Variants in ASXL2 observed in about 807,000 individuals in gnomAD.
ASXL2 encodes putative Polycomb group protein ASXL2.
In ASXL2, 23 loss-of-function variants were observed where a neutral mutation model predicts 122.0. The observed-to-expected ratio is 0.19, with a 90% CI of 0.14 to 0.27. ASXL2 has a LOEUF of 0.27. ASXL2 is among the 10% of genes least tolerant of loss of function. ASXL2 has a pLI of 1.00. For missense variants in ASXL2, 1,518 were observed against 1,713.8 expected (o/e 0.89, Z 2.02); for synonymous variants, 650 against 637.0 (o/e 1.02, Z -0.31).
At chr2:25,827,985 T>C (rs2089398731) in intron 3 of ASXL2, among the ~76,000 whole-genome samples, 1 of 151,274 alleles carries the variant, frequency 6.6e-6, no homozygotes, top group South Asian at 2.1e-4. Context: ...TAACATCTTC[T>C]AAAAAGCATG....
intron 3 of ASXL2, among the ~76,000 whole-genome samples, chr2:25,808,933 TA>T (rs1467640577): frequency 6.6e-6 from 1 of 152,048 alleles, no homozygotes; most frequent in Non-Finnish European, 1.5e-5. Flanking sequence ...CCACACACTG[TA>T]TAGGCTGTCA....
chr2:25,863,838 T>A (rs554632361), intron 1 of ASXL2, among the ~76,000 whole-genome samples: 10 of 151,746 alleles, frequency 6.6e-5, no homozygotes, highest in Non-Finnish European at 1.3e-4. Context: ...AAACTCCATC[T>A]CTACTAAAAG....
At chr2:25,769,492 TAAC>T (rs1247404806) in intron 6 of ASXL2, among the ~76,000 whole-genome samples, 2 of 152,190 alleles carry the variant, frequency 1.3e-5, no homozygotes, top group Admixed American at 6.5e-5. Context: ...ATACTGGTTC[TAAC>T]AACAGTGTGG....
At chr2:25,831,666 A>T (rs541025851) in intron 3 of ASXL2, among the ~76,000 whole-genome samples, 1 of 152,302 alleles carries the variant, frequency 6.6e-6, no homozygotes, top group East Asian at 1.9e-4. Flanking sequence ...AAAACAAAAA[A>T]CCTGAAGATG....
chr2:25,756,298 T>C (rs1296267337), intron 9 of ASXL2, among the ~76,000 whole-genome samples, 184 bp from the exon 10 acceptor site: 3 of 151,890 alleles, frequency 2.0e-5, no homozygotes, highest in Non-Finnish European at 4.4e-5. Flanking sequence ...TTCTAAAACA[T>C]TGCTTTCCTG....
rs1368987596 is a variant in ASXL2 at position 25,742,784 on chromosome 2, T to C, written c.3553A>G (p.Ser1185Gly). 3.1e-6 allele frequency: 5 copies of C among 1,613,916 alleles called. No homozygotes were observed. The East Asian group carries it at 6.7e-5, about 22-fold the overall frequency. The change falls in exon 13 of 13, where the codon AGT becomes GGT. Residue 1185 changes from serine to glycine, a missense_variant. Ser to Gly is a moderately conservative substitution (Grantham distance 56). Around this residue, in one of 8 missense-constraint regions of ASXL2, gnomAD observed 831 missense variants for 833.1 expected, o/e 1.00. Coordinates refer to ENST00000435504, the MANE Select transcript of ASXL2 (RefSeq NM_018263.6). ...SSKEDDTDEE[S>G]TGDEQESVTV... is the part of the protein sequence containing the mutation. The stretch of plus-strand genomic sequence containing the variant: ...ACAGATTCCTGCTCATCACCAGTAC[T>C]TTCCTCATCAGTGTCATCTTCTTTG...
At chr2:25,846,863 G>A (rs1050717099) in intron 1 of ASXL2, among the ~76,000 whole-genome samples, 5 of 152,158 alleles carry the variant, frequency 3.3e-5, no homozygotes, top group African/African-American at 1.2e-4. Context: ...CACAGGAAGA[G>A]TAAGGAAATC....
chr2:25,759,283 T>A (rs1183129216), intron 9 of ASXL2, among the ~76,000 whole-genome samples, 199 bp downstream of exon 9: 1 of 152,138 alleles, frequency 6.6e-6, no homozygotes, highest in Non-Finnish European at 1.5e-5. Context: ...TATGGATGCT[T>A]ACATCCTAAT....
At chr2:25,783,404 T>TAAAA (rs1193807469) in intron 5 of ASXL2, among the ~76,000 whole-genome samples, 1 of 143,910 alleles carries the variant, frequency 6.9e-6, no homozygotes. Flanking sequence ...TTTTTTCCTT[T>TAAAA]AAAAAAAAAA....
chr2:25,768,666 TA>T, intron 7 of ASXL2, 75 bp downstream of exon 7: 2 of 1,502,242 alleles, frequency 1.3e-6, no homozygotes, highest in Non-Finnish European at 9.1e-7. Flanking sequence ...AATGATGTCA[TA>T]AACAAATCAG....
chr2:25,743,673 T>C lies in ASXL2; in HGVS notation c.2664A>G (p.Thr888=). ...VPVAVTPSPL[T]SLLTTATLEK... Reference sequence around the variant, plus strand: ...CTAAAGTGGCTGTGGTCAATAAAGATGTTAAAGGGGAGGGAGTTACAGCCA... The same window carrying C: ...CTAAAGTGGCTGTGGTCAATAAAGACGTTAAAGGGGAGGGAGTTACAGCCA... Residue 888 remains threonine, a synonymous_variant, in exon 13 of 13, where the codon ACA becomes ACG. Transcript: ENST00000435504. 2 of 1,613,830 alleles carry C rather than the reference T, an allele frequency of 1.2e-6. No homozygotes were observed. The highest frequency in any genetic ancestry group is 8.5e-7 in the Non-Finnish European group (1 of 1,179,862).
At chr2:25,819,084 C>G (rs1414169126) in intron 3 of ASXL2, among the ~76,000 whole-genome samples, 1 of 152,154 alleles carries the variant, frequency 6.6e-6, no homozygotes, top group South Asian at 2.1e-4. Flanking sequence ...GACCCTCAAT[C>G]TGATAACCCA....
At chr2:25,858,897 T>C (rs2089813610) in intron 1 of ASXL2, among the ~76,000 whole-genome samples, 2 of 146,378 alleles carry the variant, frequency 1.4e-5, no homozygotes, top group African/African-American at 5.0e-5. Context: ...CACTGGAACC[T>C]CCGTCTCCTG....
At position 25,737,497 on chromosome 2, in the gene ASXL2, T is replaced by C. The variant is rs2087756176; in HGVS notation, c.*4532A>G. The C allele has an allele frequency of 6.6e-6, 1 of 152,202 alleles. No homozygotes were observed. The highest frequency in any genetic ancestry group is 1.5e-5 in the Non-Finnish European group (1 of 68,038). 9.4% of individuals were successfully genotyped at this position (152,202 alleles called of 1,614,324 possible). ...AGACAGACAGATAAGGAAAATTTAA[T>C]CAGTTTTACTTAAATTCCAAAAGAA... On this transcript the variant is annotated 3_prime_UTR_variant, in exon 13 of 13. Transcript: ENST00000435504.
chr2:25,809,718 G>C (rs1168916325), intron 3 of ASXL2, among the ~76,000 whole-genome samples: 4 of 152,180 alleles, frequency 2.6e-5, no homozygotes, highest in Non-Finnish European at 5.9e-5. Context: ...ATTCCCTTAA[G>C]TGTTGTTCCC....
Position 25,744,542 on chromosome 2 carries a change from C to T in ASXL2, c.1861-66G>A. 6.7e-7 allele frequency: 1 copy of T among 1,483,610 alleles called. No individual in the cohort carries two copies. Among genetic ancestry groups the T allele is most frequent in the Non-Finnish European group, 9.0e-7 (1 of 1,113,116 alleles). 91.9% of individuals were successfully genotyped at this position (1,483,610 alleles called of 1,614,324 possible). On this transcript the variant is annotated intron_variant, in intron 12 of 12. Coordinates refer to ENST00000435504, the MANE Select transcript of ASXL2 (RefSeq NM_018263.6). The surrounding 1 kb of genome is among the most constrained non-coding windows in gnomAD (Gnocchi z 4.7). ...TTCATTTGTAAGAATAACAAAACTT[C>T]ATTAGCCCTCACATTTTAAAAACAG...
At chr2:25,824,911 G>C (rs918207347) in intron 3 of ASXL2, among the ~76,000 whole-genome samples, 4 of 152,088 alleles carry the variant, frequency 2.6e-5, no homozygotes, top group African/African-American at 7.2e-5. Context: ...CAGAATAAAG[G>C]TCATTAAGTA....
At chr2:25,814,227 A>C (rs1366329715) in intron 3 of ASXL2, among the ~76,000 whole-genome samples, 1 of 152,214 alleles carries the variant, frequency 6.6e-6, no homozygotes, top group Non-Finnish European at 1.5e-5. Context: ...CAAAAAGTCA[A>C]AGAATCCGGG....
At chr2:25,762,578 T>C (rs1340886180) in intron 8 of ASXL2, among the ~76,000 whole-genome samples, 1 of 137,812 alleles carries the variant, frequency 7.3e-6, no homozygotes, top group Non-Finnish European at 1.5e-5. Context: ...GGCAGAAGAA[T>C]CACTTGAACC....
Sources: allele counts gnomAD v4.1 joint callset (sites outside exome capture counted in the v4.1 genomes callset), GRCh38; gene constraint gnomAD v4.1.1; regional missense constraint gnomAD v4.1.1; non-coding constraint Gnocchi (gnomAD v3.1); transcripts MANE v1.5; gene names NCBI Gene and HGNC (gene_info 2026-07-23, HGNC 2026-07-21).